Variants in GFRA2 observed in about 807,000 individuals in gnomAD.
GFRA2 encodes the protein GDNF family receptor alpha 2.
In GFRA2, 17 loss-of-function variants were observed where a neutral mutation model predicts 48.3. That is an observed-to-expected ratio of 0.35 (90% CI 0.24 to 0.53). The LOEUF (loss-of-function observed/expected upper bound fraction) is 0.53. Among genes scored for constraint, GFRA2 ranks in the 20% least tolerant of loss-of-function variants. The pLI is 0.93. For missense variants in GFRA2, 660 were observed against 637.3 expected (o/e 1.04, Z -0.38); for synonymous variants, 305 against 257.2 (o/e 1.19, Z -1.78).
At chr8:21,795,147 G>A (rs981801509) in intron 2 of GFRA2, among the ~76,000 whole-genome samples, 5 of 152,224 alleles carry the variant, frequency 3.3e-5, no homozygotes, top group Admixed American at 1.3e-4. Flanking sequence ...GCTCCCATGG[G>A]GGTTGGACAG....
At chr8:21,723,168 G>A (rs1803687326) in intron 4 of GFRA2, among the ~76,000 whole-genome samples, 1 of 152,184 alleles carries the variant, frequency 6.6e-6, no homozygotes, top group Admixed American at 6.5e-5. Context: ...GGCAGAAAAA[G>A]GATGGGACTT....
At chr8:21,760,605 A>C (rs988084500) in intron 3 of GFRA2, among the ~76,000 whole-genome samples, 1 of 152,214 alleles carries the variant, frequency 6.6e-6, no homozygotes, top group Non-Finnish European at 1.5e-5. Context: ...TGAGATGTCT[A>C]TTAGATGTCG....
intron 4 of GFRA2, among the ~76,000 whole-genome samples, chr8:21,712,540 G>C (rs1803104482): frequency 6.6e-6 from 1 of 151,488 alleles, no homozygotes; most frequent in Non-Finnish European, 1.5e-5. Context: ...GCCAGGCAGA[G>C]GGGCTCCTCA....
chr8:21,728,521 C>T (rs566728850), intron 4 of GFRA2, among the ~76,000 whole-genome samples: 2 of 151,942 alleles, frequency 1.3e-5, no homozygotes, highest in Non-Finnish European at 2.9e-5. Context: ...GTAATCCACC[C>T]GCCTTGGCCT....
chr8:21,763,682 C>T (rs1304803508), intron 3 of GFRA2, among the ~76,000 whole-genome samples: 2 of 152,002 alleles, frequency 1.3e-5, no homozygotes, highest in Non-Finnish European at 2.9e-5. Flanking sequence ...TTCCAGCTCC[C>T]TCTCTGGAAT....
chr8:21,739,948 T>C (rs1219910660), intron 4 of GFRA2, among the ~76,000 whole-genome samples: 1 of 152,230 alleles, frequency 6.6e-6, no homozygotes, highest in East Asian at 1.9e-4. Context: ...AAGGACTCTT[T>C]TAGCCATAGC....
chr8:21,715,516 CCAGGCTGGTCT>C (rs1803287980), intron 4 of GFRA2, among the ~76,000 whole-genome samples: 1 of 152,150 alleles, frequency 6.6e-6, no homozygotes, highest in Admixed American at 6.5e-5. Flanking sequence ...ACCATATTGG[CCAGGCTGGTCT>C]CTAACTTCTG....
intron 3 of GFRA2, among the ~76,000 whole-genome samples, chr8:21,756,919 G>C (rs889229787): frequency 1.3e-5 from 2 of 152,160 alleles, no homozygotes; most frequent in African/African-American, 2.4e-5. Context: ...AGCCCTGGTG[G>C]GTCTCCCAGG....
At chr8:21,764,408 C>G (rs140515865) in intron 3 of GFRA2, among the ~76,000 whole-genome samples, 8,409 of 152,342 alleles carry the variant, frequency 0.055, 419 homozygotes, top group East Asian at 0.19. Flanking sequence ...CTTCCTAAAA[C>G]CCTTGCCTTG....
intron 4 of GFRA2, among the ~76,000 whole-genome samples, chr8:21,728,269 T>TG (rs1563231701): frequency 1.5e-5 from 2 of 131,040 alleles, no homozygotes; most frequent in Non-Finnish European, 3.3e-5. Flanking sequence ...AACCAGGTTT[T>TG]TTTTTTTTTT....
intron 3 of GFRA2, among the ~76,000 whole-genome samples, chr8:21,762,822 T>C (rs542880529): frequency 6.6e-6 from 1 of 151,704 alleles, no homozygotes; most frequent in Non-Finnish European, 1.5e-5. Flanking sequence ...ATTTGGGGGG[T>C]TTTTTAATAT....
chr8:21,780,025 T>A (rs1484830401), intron 2 of GFRA2, among the ~76,000 whole-genome samples: 1 of 151,540 alleles, frequency 6.6e-6, no homozygotes, highest in Non-Finnish European at 1.5e-5. Context: ...CTGTCCGATG[T>A]TAGATTTTAA....
chr8:21,741,706 G>A lies in GFRA2; in HGVS notation c.794+8882C>T, dbSNP rs1024138868. Among the ~76,000 whole-genome samples, 8 of 152,126 alleles carry A rather than the reference G, an allele frequency of 5.3e-5. No individual in the cohort carries two copies. In the East Asian group the frequency reaches 7.7e-4, roughly 15 times the overall value. ...TGGGAGGCTGAGGCAGGCAGATCACGAGGTCAGGAGTTCAAGACCAGCCTG... is the reference window on the plus strand; with the variant it reads ...TGGGAGGCTGAGGCAGGCAGATCACAAGGTCAGGAGTTCAAGACCAGCCTG... On this transcript the variant is annotated intron_variant, in intron 4 of 8. Transcript: ENST00000524240.
chr8:21,792,483 T>C (rs1420532411), upstream of GFRA2, among the ~76,000 whole-genome samples: 1 of 152,176 alleles, frequency 6.6e-6, no homozygotes, highest in African/African-American at 2.4e-5. Context: ...ATTGAACGAC[T>C]TCTCTGGCCC....
At chr8:21,771,292 G>A (rs1265242297) in intron 3 of GFRA2, among the ~76,000 whole-genome samples, 3 of 152,182 alleles carry the variant, frequency 2.0e-5, no homozygotes, top group African/African-American at 2.4e-5. Context: ...CCTAAATACT[G>A]TCTCACACTT....
rs976249893 is a variant in GFRA2 at position 21,772,613 on chromosome 8, C to A, written c.439+2359G>T. Among the ~76,000 whole-genome samples, 1,061 of 152,248 alleles carry A rather than the reference C, an allele frequency of 7.0e-3. 14 individuals are homozygous for A. Among genetic ancestry groups the A allele is most frequent in the African/African-American group, 0.024 (982 of 41,516 alleles). ...GTCAACAGAGGCAATGAGGAGGGAC[C>A]GGCACAGTCCCCAAAGCCCAGCCCT... On this transcript the variant is annotated intron_variant, in intron 3 of 8. Transcript: ENST00000524240.
intron 4 of GFRA2, among the ~76,000 whole-genome samples, chr8:21,737,664 C>G (rs112890863): frequency 1.3e-5 from 2 of 152,174 alleles, no homozygotes; most frequent in Non-Finnish European, 2.9e-5. Context: ...CTGCCTCCCC[C>G]TCCTGTCCTC....
chr8:21,748,519 T>A (rs563721422), intron 4 of GFRA2, among the ~76,000 whole-genome samples: 4 of 152,100 alleles, frequency 2.6e-5, no homozygotes, highest in Non-Finnish European at 4.4e-5. Flanking sequence ...TCCTCTGAAA[T>A]AATCCAGTTT....
rs528194056 is a variant in GFRA2, at chr8:21,702,814, C to T, written c.1209G>A (p.Thr403=). The T allele has an allele frequency of 1.5e-4, 246 of 1,605,694 alleles. 4 individuals are homozygous for T. In the South Asian group the frequency reaches 2.5e-3, roughly 16 times the overall value. ...AGCCACACACCCTCACCTGGACAGA[C>T]GTGCAGGTGGTGATGACACTGGTCC... ...SLGTSVITTC[T]SVQEQGLKAN... The change falls in exon 7 of 9, where the codon ACG becomes ACA. Residue 403 remains threonine, a synonymous_variant. Transcript: ENST00000524240.
Sources: allele counts gnomAD v4.1 joint callset (sites outside exome capture counted in the v4.1 genomes callset), GRCh38; gene constraint gnomAD v4.1.1; transcripts MANE v1.5; gene names NCBI Gene and HGNC (gene_info 2026-07-23, HGNC 2026-07-21).